The following PKHD1 variants were observed in gnomAD, a reference collection of about 807,000 sequenced individuals.
PKHD1 encodes the protein fibrocystin.
PKHD1 carries 291 observed loss-of-function variants against 412.0 expected under a neutral mutation model. The ratio of observed to expected loss-of-function variants is 0.71; its 90% CI spans 0.64 to 0.78. The LOEUF (loss-of-function observed/expected upper bound fraction) is 0.78. Among genes scored for constraint, PKHD1 ranks in the 30% least tolerant of loss-of-function variants. PKHD1 has a pLI of 0.00. For missense variants in PKHD1, 4,825 were observed against 4,950.7 expected (o/e 0.97, Z 0.76); for synonymous variants, 1,777 against 1,821.5 (o/e 0.98, Z 0.62).
At chr6:52,027,746 C>A (rs1483520055) in intron 31 of PKHD1, 83 bp downstream of exon 31, 2 of 1,066,814 alleles carry the variant, frequency 1.9e-6, no homozygotes, top group Non-Finnish European at 2.9e-6. Flanking sequence ...ACCTCACTGG[C>A]AAATTAATCC....
chr6:52,029,452 G>C (rs1368002059), intron 29 of PKHD1, among the ~76,000 whole-genome samples: 1 of 152,140 alleles, frequency 6.6e-6, no homozygotes, highest in Non-Finnish European at 1.5e-5. Flanking sequence ...AGTAAAATAG[G>C]TGACAAAATT....
intron 60 of PKHD1, chr6:51,721,615 A>G (rs1298780777): frequency 9.2e-7 from 1 of 1,085,868 alleles, no homozygotes; most frequent in Non-Finnish European, 1.1e-6. Flanking sequence ...CCCCAAACTC[A>G]CTAAAGGCAA....
rs1582518477 is a variant in PKHD1, at chr6:51,760,778, A to G, written c.8643-5840T>C. On this transcript the variant is annotated intron_variant, in intron 55 of 66. Transcript: ENST00000371117. Reference sequence around the variant, plus strand: ...TAGATATAATCAATTATGACATTCAATTTAAAGGTTTAGGGCCTGGAGAAA... The same window carrying G: ...TAGATATAATCAATTATGACATTCAGTTTAAAGGTTTAGGGCCTGGAGAAA... Among the ~76,000 whole-genome samples, 5 of 152,260 alleles carry G rather than the reference A, an allele frequency of 3.3e-5. 1 individual carries two copies. Among genetic ancestry groups the G allele is most frequent in the Admixed American group, 2.6e-4 (4 of 15,270 alleles).
In PKHD1 at chr6:52,010,578, A is replaced by G. The variant is rs1284395448; in HGVS notation, c.5601-119T>C. Reference sequence around the variant, plus strand: ...TGGCAACTACAGGCCACCATTTGTCAAATTTTGCAAATTTCTGTAATTTTG... The same window carrying G: ...TGGCAACTACAGGCCACCATTTGTCGAATTTTGCAAATTTCTGTAATTTTG... On this transcript the variant is annotated intron_variant, in intron 34 of 66. Coordinates refer to ENST00000371117, the MANE Select transcript of PKHD1 (RefSeq NM_138694.4). 6.0e-6 allele frequency: 5 copies of G among 839,974 alleles called. No homozygotes were observed. The East Asian group carries it at 1.3e-4, about 21-fold the overall frequency. The allele number at this position is 839,974 out of a possible 1,614,324, so 52.0% of individuals were successfully genotyped here. A position where few individuals can be genotyped will look rare whatever the true frequency, so the allele number is the denominator to read the frequency against.
intron 60 of PKHD1, among the ~76,000 whole-genome samples, chr6:51,723,646 T>A (rs1201894568): frequency 6.6e-6 from 1 of 152,200 alleles, no homozygotes; most frequent in Non-Finnish European, 1.5e-5. Context: ...GGTGAAATGT[T>A]ATTTTGGACT....
chr6:51,927,403 T>C (rs538139438), intron 37 of PKHD1, among the ~76,000 whole-genome samples: 41 of 152,274 alleles, frequency 2.7e-4, no homozygotes, highest in African/African-American at 9.9e-4. Context: ...TAAAGAAAGC[T>C]AATCTAACTC....
chr6:51,892,699 C>T (rs1321517), intron 43 of PKHD1, among the ~76,000 whole-genome samples: 8,020 of 152,174 alleles, frequency 0.053, 433 homozygotes, highest in African/African-American at 0.13. Flanking sequence ...AATAAGAATG[C>T]TTTAATAGTC....
At chr6:51,759,664 C>A (rs925284785) in intron 55 of PKHD1, among the ~76,000 whole-genome samples, 1 of 152,072 alleles carries the variant, frequency 6.6e-6, no homozygotes, top group Admixed American at 6.6e-5. Context: ...ACTTAAAGAG[C>A]CCCGATTGCC....
At chr6:51,762,127 G>C (rs1205887236) in intron 55 of PKHD1, among the ~76,000 whole-genome samples, 1 of 152,006 alleles carries the variant, frequency 6.6e-6, no homozygotes, top group South Asian at 2.1e-4. Context: ...TTAACAGTTA[G>C]TGTCTCTATT....
At chr6:51,931,264 G>T (rs1786531187) in intron 37 of PKHD1, among the ~76,000 whole-genome samples, 1 of 152,156 alleles carries the variant, frequency 6.6e-6, no homozygotes, top group African/African-American at 2.4e-5. Context: ...GCCAAAGTTG[G>T]TGAATCTCCT....
intron 53 of PKHD1, among the ~76,000 whole-genome samples, chr6:51,776,134 C>G (rs1488651879): frequency 6.6e-6 from 1 of 151,918 alleles, no homozygotes; most frequent in Non-Finnish European, 1.5e-5. Context: ...CAGGTATTCA[C>G]TCTTCTTTCT....
At chr6:51,779,754 T>G (rs1463289141) in intron 53 of PKHD1, among the ~76,000 whole-genome samples, 2 of 151,502 alleles carry the variant, frequency 1.3e-5, no homozygotes, top group African/African-American at 2.4e-5. Context: ...TGGATATACC[T>G]ATAATACTTG....
chr6:52,071,958 A>G (rs1810672968), intron 8 of PKHD1, among the ~76,000 whole-genome samples, 157 bp downstream of exon 8: 1 of 152,180 alleles, frequency 6.6e-6, no homozygotes, highest in Non-Finnish European at 1.5e-5. Context: ...CTTTTTCAGT[A>G]GTCTAAAGAT....
At chr6:51,820,697 G>A (rs1766250279) in intron 52 of PKHD1, among the ~76,000 whole-genome samples, 1 of 152,138 alleles carries the variant, frequency 6.6e-6, no homozygotes, top group Admixed American at 6.6e-5. Flanking sequence ...CTGCTTAATA[G>A]TGTGGTAACC....
At chr6:52,011,582 G>A (rs1341697248) in intron 34 of PKHD1, among the ~76,000 whole-genome samples, 1 of 152,204 alleles carries the variant, frequency 6.6e-6, no homozygotes, top group Non-Finnish European at 1.5e-5. Flanking sequence ...GGAAGACCAG[G>A]AAGGGTGGAG....
chr6:51,982,808 A>T (rs1300873872), intron 35 of PKHD1, among the ~76,000 whole-genome samples: 4 of 129,838 alleles, frequency 3.1e-5, no homozygotes, highest in South Asian at 5.0e-4. Flanking sequence ...ATGATCAATA[A>T]AAAAAAAAAT....
At chr6:51,809,910 G>C (rs1198974580) in intron 52 of PKHD1, among the ~76,000 whole-genome samples, 1 of 148,172 alleles carries the variant, frequency 6.7e-6, no homozygotes, top group Non-Finnish European at 1.5e-5. Context: ...TTGTTTTCCT[G>C]CTTCTTTCAA....
chr6:51,732,771 T>A (rs1021916923), intron 60 of PKHD1, among the ~76,000 whole-genome samples: 2 of 152,224 alleles, frequency 1.3e-5, no homozygotes, highest in Non-Finnish European at 2.9e-5. Context: ...ATGACCTTGC[T>A]ATTTCACTTC....
rs1348427591 is a variant in PKHD1 at position 51,744,261 on chromosome 6, C to T, written c.10156+124G>A. The T allele has an allele frequency of 8.2e-6, 7 of 853,360 alleles. No individual in the cohort carries two copies. In the East Asian group the frequency reaches 1.7e-4, roughly 21 times the overall value. The allele number at this position is 853,360 out of a possible 1,614,324, so 52.9% of individuals were successfully genotyped here. A position where few individuals can be genotyped will look rare whatever the true frequency, so the allele number is the denominator to read the frequency against. Reference sequence around the variant, plus strand: ...CAGGTGAATTGGCAGCAGATTAGCACAGACTCCAACTCTAGAATTTAGGTC... The same window carrying T: ...CAGGTGAATTGGCAGCAGATTAGCATAGACTCCAACTCTAGAATTTAGGTC... On this transcript the variant is annotated intron_variant, in intron 60 of 66. Transcript: ENST00000371117.
Sources: allele counts gnomAD v4.1 joint callset (sites outside exome capture counted in the v4.1 genomes callset), GRCh38; gene constraint gnomAD v4.1.1; transcripts MANE v1.5; gene names NCBI Gene and HGNC (gene_info 2026-07-23, HGNC 2026-07-21).